The following AIM2 variants were observed in gnomAD, a reference collection of about 807,000 sequenced individuals.
AIM2 encodes the protein interferon-inducible protein AIM2.
In AIM2, 30 loss-of-function variants were observed where a neutral mutation model predicts 27.7. The ratio of observed to expected loss-of-function variants is 1.08; its 90% CI spans 0.81 to 1.47. The LOEUF (loss-of-function observed/expected upper bound fraction) is 1.47. Ranked by LOEUF, AIM2 falls within the 40% of genes most tolerant of loss-of-function variation. The probability of loss-of-function intolerance (pLI) is 0.00; values close to 1 mark genes in which losing one functional copy is unlikely to be tolerated. For missense variants in AIM2, 358 were observed against 411.3 expected (o/e 0.87, Z 1.12); for synonymous variants, 141 against 145.3 (o/e 0.97, Z 0.21).
intron 1 of AIM2, among the ~76,000 whole-genome samples, chr1:159,105,461 A>G (rs1160178128): frequency 6.6e-6 from 1 of 152,208 alleles, no homozygotes; most frequent in East Asian, 1.9e-4. Flanking sequence ...CAGTCTCACC[A>G]TTCAGCGGTC....
At chr1:159,145,948 A>G (rs943161611) in intron 1 of AIM2, among the ~76,000 whole-genome samples, 1 of 152,096 alleles carries the variant, frequency 6.6e-6, no homozygotes, top group African/African-American at 2.4e-5. Flanking sequence ...TCTACTAAAA[A>G]TATAAAAAGT....
intron 1 of AIM2, among the ~76,000 whole-genome samples, chr1:159,089,835 G>A (rs957427711): frequency 1.3e-5 from 2 of 152,214 alleles, no homozygotes; most frequent in South Asian, 4.1e-4. Flanking sequence ...CTATTCTATC[G>A]GTTTTTAGTT....
At chr1:159,093,693 AAT>A (rs201248576) in intron 1 of AIM2, among the ~76,000 whole-genome samples, 1 of 151,026 alleles carries the variant, frequency 6.6e-6, no homozygotes, top group Non-Finnish European at 1.5e-5. Flanking sequence ...TTATTTAGAA[AAT>A]ATATATATAC....
At chr1:159,099,586 T>G (rs1657269222) in intron 1 of AIM2, among the ~76,000 whole-genome samples, 1 of 152,160 alleles carries the variant, frequency 6.6e-6, no homozygotes, top group African/African-American at 2.4e-5. Context: ...GTCACCTACT[T>G]GGATTGAAAG....
chr1:159,101,497 G>A (rs1414757765), intron 1 of AIM2, among the ~76,000 whole-genome samples: 3 of 152,200 alleles, frequency 2.0e-5, no homozygotes, highest in African/African-American at 4.8e-5. Flanking sequence ...AAAGATACCC[G>A]AAAATGTAGA....
intron 2 of AIM2, among the ~76,000 whole-genome samples, chr1:159,069,710 T>C (rs1245875178): frequency 6.6e-6 from 1 of 152,026 alleles, no homozygotes; most frequent in Non-Finnish European, 1.5e-5. Flanking sequence ...GCCTGACTAA[T>C]TTTTGTATTT....
At chr1:159,145,906 G>C (rs1648192708) in intron 1 of AIM2, among the ~76,000 whole-genome samples, 1 of 152,172 alleles carries the variant, frequency 6.6e-6, no homozygotes, top group African/African-American at 2.4e-5. Flanking sequence ...AAGAGATCAA[G>C]GCCATCCTGG....
At chr1:159,095,683 A>G (rs1217959044) in intron 1 of AIM2, among the ~76,000 whole-genome samples, 1 of 152,228 alleles carries the variant, frequency 6.6e-6, no homozygotes, top group African/African-American at 2.4e-5. Context: ...TGAAAAAAAA[A>G]TACTCTTAAA....
intron 1 of AIM2, among the ~76,000 whole-genome samples, chr1:159,135,158 G>T (rs1282233420): frequency 1.3e-5 from 2 of 152,158 alleles, no homozygotes; most frequent in Admixed American, 6.5e-5. Context: ...CACACAGCAG[G>T]TACTATAAGC....
chr1:159,075,610 A>G (rs1656573562), intron 1 of AIM2, among the ~76,000 whole-genome samples: 1 of 146,936 alleles, frequency 6.8e-6, no homozygotes, highest in Non-Finnish European at 1.5e-5. Flanking sequence ...ATATATATAT[A>G]TAGAGAGAGA....
intron 1 of AIM2, among the ~76,000 whole-genome samples, chr1:159,136,186 TGAA>T (rs1022694791): frequency 3.9e-5 from 6 of 152,160 alleles, no homozygotes; most frequent in East Asian, 1.9e-4. Context: ...GGACTCCGCT[TGAA>T]GAAGAAGATG....
chr1:159,088,014 T>C (rs1656957862), intron 1 of AIM2, among the ~76,000 whole-genome samples: 1 of 152,216 alleles, frequency 6.6e-6, no homozygotes, highest in Non-Finnish European at 1.5e-5. Context: ...TGTTTCTCAT[T>C]TAACAAAGTA....
At chr1:159,078,549 G>A (rs1656692943), upstream of AIM2, among the ~76,000 whole-genome samples, 1 of 152,218 alleles carries the variant, frequency 6.6e-6, no homozygotes, top group Admixed American at 6.5e-5. Flanking sequence ...TGAGGCTTCA[G>A]GTCCTGTAAA....
At chr1:159,075,382 A>T (rs533072938) in intron 1 of AIM2, among the ~76,000 whole-genome samples, 15 of 151,688 alleles carry the variant, frequency 9.9e-5, no homozygotes, top group Non-Finnish European at 2.2e-4. Context: ...TCCTTAAATA[A>T]GGCACAAAAA....
rs971639093 is a variant in AIM2, at chr1:159,126,429, C to T, written c.-16+14002G>A. ...TTGGGAGGCTGAGGGGGGCGGATCACGAGGTCAGGAGATCGAGACCATCCT... is the reference window on the plus strand; with the variant it reads ...TTGGGAGGCTGAGGGGGGCGGATCATGAGGTCAGGAGATCGAGACCATCCT... On this transcript the variant is annotated intron_variant, in intron 1 of 2. Coordinates refer to the AIM2 transcript ENST00000368129. Among the ~76,000 whole-genome samples, 14 of 152,016 alleles carry T rather than the reference C, an allele frequency of 9.2e-5. 1 individual carries two copies. Among genetic ancestry groups the T allele is most frequent in the African/African-American group, 3.1e-4 (13 of 41,378 alleles).
At position 159,063,688 on chromosome 1, in the gene AIM2, T is replaced by A; in HGVS notation, c.817-14A>T. ...CTTTTCTGTTACCTATAAAAGAAAA[T>A]CAACACCCAGCCTCTGATAATCGGA... On this transcript the variant is annotated splice_polypyrimidine_tract_variant and intron_variant, in intron 4 of 5. Coordinates refer to ENST00000368130, the MANE Select transcript of AIM2 (RefSeq NM_004833.3). 1 of 1,609,218 alleles carries A rather than the reference T, an allele frequency of 6.2e-7. No individual in the cohort carries two copies. The highest frequency in any genetic ancestry group is 8.5e-7 in the Non-Finnish European group (1 of 1,177,702).
At chr1:159,067,111 A>C (rs1033534846) in intron 3 of AIM2, among the ~76,000 whole-genome samples, 40 of 152,212 alleles carry the variant, frequency 2.6e-4, no homozygotes, top group African/African-American at 8.9e-4. Flanking sequence ...GAAATATGAT[A>C]AACTGTTATA....
intron 1 of AIM2, among the ~76,000 whole-genome samples, chr1:159,074,987 C>T (rs149059651): frequency 3.6e-4 from 55 of 152,104 alleles, no homozygotes; most frequent in African/African-American, 1.3e-3. Flanking sequence ...AAAATAAAGA[C>T]AAAAACCTGC....
At chr1:159,056,981 G>A in the AIM2 span, among the ~76,000 whole-genome samples, 3 of 152,148 alleles carry the variant, frequency 2.0e-5, no homozygotes, top group South Asian at 2.1e-4. Context: ...GCTTTCAAAA[G>A]GGGTACAGAT....
Sources: gnomAD v4.1 joint callset for allele counts (sites outside exome capture counted in the v4.1 genomes callset) on GRCh38, gnomAD v4.1.1 for gene constraint, MANE v1.5 for transcripts, NCBI Gene and HGNC (gene_info 2026-07-23, HGNC 2026-07-21) for gene names.